The following PTPRT variants were observed in gnomAD, a reference collection of about 807,000 sequenced individuals.
The protein encoded by PTPRT is protein tyrosine phosphatase receptor type T, also known as receptor-type tyrosine-protein phosphatase T.
Under a neutral mutation model 176.8 loss-of-function variants are expected in PTPRT, and 56 were observed. The observed-to-expected ratio is 0.32, with a 90% CI of 0.26 to 0.40. The LOEUF (loss-of-function observed/expected upper bound fraction) is 0.40, where lower values mean the gene tolerates loss of function less well. Ranked by LOEUF, PTPRT falls within the 10% of genes least tolerant of loss-of-function variation. The pLI is 1.00. For synonymous variants in PTPRT, 783 were observed against 739.0 expected (o/e 1.06, Z -0.96); for missense variants, 1,540 against 1,908.2 (o/e 0.81, Z 3.60).
At chr20:42,624,005 C>CAAAAAAAACAAACAAACA (rs1159094345) in intron 7 of PTPRT, among the ~76,000 whole-genome samples, 28 of 135,756 alleles carry the variant, frequency 2.1e-4, no homozygotes, top group African/African-American at 8.3e-4. Context: ...AAAACAATAG[C>CAAAAAAAACAAACAAACA]AACAAACAAA....
chr20:42,159,193 T>C (rs1200493974), intron 17 of PTPRT, among the ~76,000 whole-genome samples: 1 of 149,876 alleles, frequency 6.7e-6, no homozygotes, highest in African/African-American at 2.5e-5. Context: ...AATATACCAT[T>C]TCCTTTCTTT....
chr20:42,319,231 C>G (rs1331682311), intron 11 of PTPRT, among the ~76,000 whole-genome samples: 2 of 151,706 alleles, frequency 1.3e-5, no homozygotes, highest in African/African-American at 4.9e-5. Context: ...AGTAGAAACC[C>G]AGACTTTTCA....
intron 1 of PTPRT, among the ~76,000 whole-genome samples, chr20:42,985,219 G>A (rs554293646): frequency 4.6e-5 from 7 of 152,236 alleles, no homozygotes; most frequent in Admixed American, 2.0e-4. Context: ...GAATACCGCC[G>A]GGTGTGGTGG....
At chr20:42,895,020 C>T (rs1324287778) in intron 1 of PTPRT, among the ~76,000 whole-genome samples, 1 of 152,126 alleles carries the variant, frequency 6.6e-6, no homozygotes. Flanking sequence ...TAAATGGTTA[C>T]AGGGCACAGA....
Position 42,350,224 on chromosome 20 carries a change from T to TGTTGTTG in PTPRT, c.1865+403_1865+404insCAACAAC, listed in dbSNP as rs1568799331. 2.3e-3 allele frequency among the ~76,000 whole-genome samples: 58 copies of TGTTGTTG among 25,614 alleles called. 1 individual carries two copies. The highest frequency in any genetic ancestry group is 3.5e-3 in the Admixed American group (6 of 1,708). The allele number at this position is 25,614 out of a possible 152,430, so 16.8% of individuals were successfully genotyped here. On this transcript the variant is annotated intron_variant, in intron 11 of 30. Coordinates refer to ENST00000373187, the MANE Select transcript of PTPRT (RefSeq NM_007050.6). ...ATTAGGATGTTTCTTGTTTTTTTTT[T>TGTTGTTG]TTTTTTTTTTTTTTTTTTTTTTGAG...
At chr20:42,589,819 A>T (rs2073537398) in intron 7 of PTPRT, among the ~76,000 whole-genome samples, 2 of 152,138 alleles carry the variant, frequency 1.3e-5, no homozygotes, top group Admixed American at 1.3e-4. Flanking sequence ...TTTATCTTAA[A>T]TCATGCATTT....
intron 2 of PTPRT, among the ~76,000 whole-genome samples, chr20:42,803,915 C>T (rs2077567409): frequency 6.6e-6 from 1 of 152,156 alleles, no homozygotes; most frequent in Non-Finnish European, 1.5e-5. Flanking sequence ...CCCACATGCA[C>T]TTCTGGAAAG....
chr20:42,738,157 G>A (rs569738733), intron 6 of PTPRT, among the ~76,000 whole-genome samples: 10 of 152,264 alleles, frequency 6.6e-5, no homozygotes, highest in African/African-American at 2.2e-4. Context: ...CTTTTGAGCC[G>A]TAAAATTATA....
intron 6 of PTPRT, among the ~76,000 whole-genome samples, chr20:42,697,558 C>A (rs1038606362): frequency 6.6e-6 from 1 of 152,210 alleles, no homozygotes; most frequent in Non-Finnish European, 1.5e-5. Flanking sequence ...CAGACACGGC[C>A]ATGGGGCAGA....
intron 2 of PTPRT, among the ~76,000 whole-genome samples, chr20:42,854,154 G>A (rs902313581): frequency 6.6e-6 from 1 of 152,188 alleles, no homozygotes; most frequent in African/African-American, 2.4e-5. Flanking sequence ...AGAGTAGGAT[G>A]TAATGGTGAC....
At chr20:42,122,495 C>A (rs996617649) in intron 19 of PTPRT, among the ~76,000 whole-genome samples, 1 of 152,126 alleles carries the variant, frequency 6.6e-6, no homozygotes, top group African/African-American at 2.4e-5. Context: ...GCTGCTCAGG[C>A]TAAAAGAAAG....
chr20:43,056,405 C>G (rs1472170503), intron 1 of PTPRT, among the ~76,000 whole-genome samples: 1 of 152,204 alleles, frequency 6.6e-6, no homozygotes, highest in African/African-American at 2.4e-5. Context: ...GTGACCCATG[C>G]AAACCTCAAA....
At chr20:42,328,980 ACACT>A (rs2145427276) in intron 11 of PTPRT, among the ~76,000 whole-genome samples, 1 of 152,288 alleles carries the variant, frequency 6.6e-6, no homozygotes, top group South Asian at 2.1e-4. Flanking sequence ...CACCACACAC[ACACT>A]CTCTCACACA....
chr20:42,308,911 G>A (rs1375358224), intron 12 of PTPRT, among the ~76,000 whole-genome samples: 15 of 152,080 alleles, frequency 9.9e-5, no homozygotes, highest in Admixed American at 9.2e-4. Flanking sequence ...CTATTATAAC[G>A]TGATTATACT....
rs879370769 is a variant in PTPRT at position 42,363,300 on chromosome 20, ATTTTTT to A, written c.1561-11021_1561-11016del. ...TATATATATATATATATATATATATATTTTTTTTTTTTTTTTTTTTTTTTTTGAGAT... is the reference window on the plus strand; with the variant it reads ...TATATATATATATATATATATATATATTTTTTTTTTTTTTTTTTTTGAGAT... On this transcript the variant is annotated intron_variant, in intron 9 of 30. Coordinates refer to ENST00000373187, the MANE Select transcript of PTPRT (RefSeq NM_007050.6). Among the ~76,000 whole-genome samples, 11 of 30,540 alleles carry A rather than the reference ATTTTTT, an allele frequency of 3.6e-4. No individual in the cohort carries two copies. The South Asian group carries it at 5.7e-3, about 16-fold the overall frequency. 20.0% of individuals were successfully genotyped at this position (30,540 alleles called of 152,430 possible). A position where few individuals can be genotyped will look rare whatever the true frequency, so the allele number is the denominator to read the frequency against.
intron 7 of PTPRT, among the ~76,000 whole-genome samples, chr20:42,663,242 G>T (rs1281493520): frequency 6.6e-6 from 1 of 152,098 alleles, no homozygotes; most frequent in African/African-American, 2.4e-5. Context: ...AAGTTGAACT[G>T]CTCTAGGAAC....
At position 42,948,608 on chromosome 20, in the gene PTPRT, G is replaced by A. The variant is rs181393768; in HGVS notation, c.89-62676C>T. Among the ~76,000 whole-genome samples the A allele has an allele frequency of 2.2e-3, 333 of 151,506 alleles. 1 individual carries two copies. Among genetic ancestry groups the A allele is most frequent in the African/African-American group, 7.6e-3 (312 of 41,026 alleles). The stretch of plus-strand genomic sequence containing the variant: ...AAGAGTGCATCCAGGAGTTCAGCCA[G>A]CTCACACAAAAAAAAATGCAAAGTG... On this transcript the variant is annotated intron_variant, in intron 1 of 30. Transcript: ENST00000373187.
chr20:42,054,896 G>C, the PTPRT span, among the ~76,000 whole-genome samples: 1 of 152,190 alleles, frequency 6.6e-6, no homozygotes. Context: ...AGGTGAGTCT[G>C]TCTCTCCATG....
At chr20:42,749,374 T>C (rs2076737243) in intron 6 of PTPRT, among the ~76,000 whole-genome samples, 1 of 152,186 alleles carries the variant, frequency 6.6e-6, no homozygotes, top group Admixed American at 6.5e-5. Context: ...ATGGGGCCAG[T>C]CGGAGAGGCT....
Sources: gnomAD v4.1 joint callset for allele counts (sites outside exome capture counted in the v4.1 genomes callset) on GRCh38, gnomAD v4.1.1 for gene constraint, MANE v1.5 for transcripts, NCBI Gene and HGNC (gene_info 2026-07-23, HGNC 2026-07-21) for gene names.